SMIM28: variants seen among roughly 807,000 people sequenced by gnomAD.
SMIM28 encodes small integral membrane protein 28.
intron 1 of SMIM28, among the ~76,000 whole-genome samples, chr6:138,380,146 C>T (rs1774296128): frequency 6.6e-6 from 1 of 152,074 alleles, no homozygotes. Flanking sequence ...CATGCTAACC[C>T]TTGAAAACGG....
At chr6:138,378,823 T>C (rs537947081) in intron 1 of SMIM28, among the ~76,000 whole-genome samples, 2 of 152,188 alleles carry the variant, frequency 1.3e-5, no homozygotes, top group South Asian at 4.1e-4. Context: ...AAGAAGGAAA[T>C]CAAACTATTT....
rs1453419563 is a variant in SMIM28, at chr6:138,382,797, ACCAGAAATCCT to A, written c.412_422del (p.Arg138TrpfsTer38). The A allele has an allele frequency of 5.0e-6, 2 of 398,544 alleles. No homozygotes were observed. The highest frequency in any genetic ancestry group is 8.8e-6 in the Non-Finnish European group (2 of 226,132). 24.7% of individuals were successfully genotyped at this position (398,544 alleles called of 1,614,324 possible). ...TTTACCGCCCTCCTACGAAGAGGCC[ACCAGAAATCCT>A]CCTGGGGAGGAGGCCCAGGGATGCA... On this transcript the variant is annotated frameshift_variant, in exon 2 of 2. Coordinates refer to ENST00000573100, the MANE Select transcript of SMIM28 (RefSeq NM_001368163.3). LOFTEE classifies it low-confidence loss of function (END_TRUNC).
At chr6:138,380,367 G>GA (rs138304633) in intron 1 of SMIM28, among the ~76,000 whole-genome samples, 162 of 152,256 alleles carry the variant, frequency 1.1e-3, no homozygotes, top group African/African-American at 3.8e-3. Context: ...AAAATATCTG[G>GA]AAATATAAGT....
intron 1 of SMIM28, among the ~76,000 whole-genome samples, chr6:138,382,106 T>C (rs9484152): frequency 0.17 from 25,802 of 152,040 alleles, 4,039 homozygotes; most frequent in African/African-American, 0.42. Context: ...CTTAGAAATG[T>C]GAGGCCTTGG....
intron 1 of SMIM28, among the ~76,000 whole-genome samples, chr6:138,378,847 A>G (rs951381201): frequency 1.3e-5 from 2 of 152,206 alleles, no homozygotes; most frequent in African/African-American, 4.8e-5. Flanking sequence ...TGCTTTCTGG[A>G]AAACCAACTG....
At chr6:138,381,863 G>A (rs1774316099) in intron 1 of SMIM28, among the ~76,000 whole-genome samples, 3 of 152,136 alleles carry the variant, frequency 2.0e-5, no homozygotes. Flanking sequence ...TCAAGAAAAT[G>A]AACAGCGGAC....
At chr6:138,378,624 A>C (rs1399094585) in intron 1 of SMIM28, among the ~76,000 whole-genome samples, 1 of 152,198 alleles carries the variant, frequency 6.6e-6, no homozygotes, top group Non-Finnish European at 1.5e-5. Context: ...TTCAGGTAAG[A>C]CAGCAGGGGG....
intron 1 of SMIM28, among the ~76,000 whole-genome samples, chr6:138,378,547 C>A (rs948721922): frequency 1.3e-5 from 2 of 152,156 alleles, no homozygotes; most frequent in African/African-American, 4.8e-5. Flanking sequence ...AAAATAAGAG[C>A]CTCTCTTTGG....
At chr6:138,382,359 C>T (rs2076274) in intron 1 of SMIM28, 141 bp from the exon 2 acceptor site, 41,484 of 373,610 alleles carry the variant, frequency 0.11, 4,969 homozygotes, top group African/African-American at 0.41. Flanking sequence ...ATTGCGCCAT[C>T]GCACTCCAGC....
At chr6:138,382,290 G>A (rs533826910) in intron 1 of SMIM28, among the ~76,000 whole-genome samples, 202 of 151,810 alleles carry the variant, frequency 1.3e-3, no homozygotes, top group Non-Finnish European at 2.3e-3. Context: ...CCAGCTACTC[G>A]GGAGGCTGAG....
intron 1 of SMIM28, among the ~76,000 whole-genome samples, chr6:138,379,937 T>C (rs1774294200): frequency 6.6e-6 from 1 of 152,150 alleles, no homozygotes; most frequent in South Asian, 2.1e-4. Context: ...ATAAGAGACT[T>C]TTTCTGAAAA....
rs1002690703 is a variant in SMIM28 at position 138,382,534 on chromosome 6, TG to T, written c.148del (p.Glu50SerfsTer50). 5.3e-5 allele frequency: 21 copies of T among 398,246 alleles called. No individual in the cohort carries two copies. The highest frequency in any genetic ancestry group is 8.8e-6 in the Non-Finnish European group (2 of 226,144). 24.7% of individuals were successfully genotyped at this position (398,246 alleles called of 1,614,324 possible). A position where few individuals can be genotyped will look rare whatever the true frequency, so the allele number is the denominator to read the frequency against. On this transcript the variant is annotated frameshift_variant, in exon 2 of 2. Transcript: ENST00000573100. LOFTEE classifies it low-confidence loss of function (END_TRUNC). ...GGGGTGAGCTCCACCCAGGAGGATGTGGAGCCCTTCCTGTGCATCCTTCTGC... is the reference window on the plus strand; with the variant it reads ...GGGGTGAGCTCCACCCAGGAGGATGTGAGCCCTTCCTGTGCATCCTTCTGC... ...TQGVSSTQED[V>X]EPFLCILLPA...
rs9495056 is a variant in SMIM28 at position 138,380,666 on chromosome 6, C to A, written c.112-1834C>A. Among the ~76,000 whole-genome samples the A allele has an allele frequency of 6.5e-3, 995 of 152,118 alleles. 11 individuals carry two copies. Among genetic ancestry groups the A allele is most frequent in the African/African-American group, 0.023 (941 of 41,466 alleles). ...CCTGTAGTCCCAGCTACTTGGGAGG[C>A]TGAGGCAGGAGAATGGCGTGAACCT... On this transcript the variant is annotated intron_variant, in intron 1 of 1. Coordinates refer to ENST00000573100, the MANE Select transcript of SMIM28 (RefSeq NM_001368163.3).
At chr6:138,378,764 T>C (rs1016289128) in intron 1 of SMIM28, among the ~76,000 whole-genome samples, 5 of 152,144 alleles carry the variant, frequency 3.3e-5, no homozygotes, top group African/African-American at 4.8e-5. Context: ...ACCTAAGAAT[T>C]AATTTTATAA....
At chr6:138,381,968 A>G (rs761198763) in intron 1 of SMIM28, among the ~76,000 whole-genome samples, 4 of 152,254 alleles carry the variant, frequency 2.6e-5, no homozygotes, top group Non-Finnish European at 1.5e-5. Context: ...TTCTGAATTC[A>G]CACTTTATTG....
chr6:138,382,355 C>T, intron 1 of SMIM28, 145 bp from the exon 2 acceptor site: 1 of 383,252 alleles, frequency 2.6e-6, no homozygotes, highest in Non-Finnish European at 4.5e-6. Flanking sequence ...CAAGATTGCG[C>T]CATCGCACTC....
intron 1 of SMIM28, among the ~76,000 whole-genome samples, chr6:138,382,173 A>T (rs2114743635): frequency 6.6e-6 from 1 of 152,144 alleles, no homozygotes; most frequent in South Asian, 2.1e-4. Flanking sequence ...AAGGGAGGTG[A>T]ATCACTTGAG....
At chr6:138,381,926 T>C (rs1774317047) in intron 1 of SMIM28, among the ~76,000 whole-genome samples, 1 of 152,262 alleles carries the variant, frequency 6.6e-6, no homozygotes. Flanking sequence ...TTTTGTAAGA[T>C]CTCATCAACA....
intron 1 of SMIM28, among the ~76,000 whole-genome samples, chr6:138,380,594 C>A (rs796907605): frequency 2.0e-5 from 3 of 151,950 alleles, no homozygotes; most frequent in African/African-American, 7.3e-5. Flanking sequence ...GGTGAAACCC[C>A]GTCTGTACTA....
Sources: gnomAD v4.1 joint callset for allele counts (sites outside exome capture counted in the v4.1 genomes callset) on GRCh38, gnomAD v4.1.1 for gene constraint, MANE v1.5 for transcripts, NCBI Gene and HGNC (gene_info 2026-07-23, HGNC 2026-07-21) for gene names.